SOCS2: variants seen among roughly 807,000 people sequenced by gnomAD.
The protein encoded by SOCS2 is suppressor of cytokine signaling 2.
Under a neutral mutation model 18.6 loss-of-function variants are expected in SOCS2, and 10 were observed. The observed-to-expected ratio is 0.54, with a 90% CI of 0.33 to 0.91. SOCS2 has a LOEUF of 0.91. SOCS2 is among the 40% of genes least tolerant of loss of function. The pLI is 0.02. For missense variants in SOCS2, 231 were observed against 247.2 expected, an observed-to-expected ratio of 0.93 and a Z score of 0.44; for synonymous variants, 104 against 104.0, an observed-to-expected ratio of 1.00 and a Z score of 0.00.
At chr12:93,590,020 A>C in the SOCS2 span, among the ~76,000 whole-genome samples, 1 of 151,712 alleles carries the variant, frequency 6.6e-6, no homozygotes, top group Middle Eastern at 3.4e-3. Flanking sequence ...TTGGGAGGCC[A>C]AGGTGAGCGG....
At chr12:93,598,931 G>T in the SOCS2 span, among the ~76,000 whole-genome samples, 1 of 152,154 alleles carries the variant, frequency 6.6e-6, no homozygotes, top group African/African-American at 2.4e-5. Flanking sequence ...CTCCAAAGAG[G>T]TTGTACCAAT....
the SOCS2 span, among the ~76,000 whole-genome samples, chr12:93,625,271 A>C: frequency 6.6e-6 from 1 of 152,196 alleles, no homozygotes; most frequent in Middle Eastern, 3.4e-3. Flanking sequence ...TCTGTCATTA[A>C]AATGCTAAAA....
chr12:93,589,092 C>G, the SOCS2 span, among the ~76,000 whole-genome samples: 3,349 of 152,306 alleles, frequency 0.022, 48 homozygotes, highest in Non-Finnish European at 0.03. Context: ...GTTTAAAACA[C>G]GGAAAACATC....
At chr12:93,602,527 A>C in the SOCS2 span, among the ~76,000 whole-genome samples, 8 of 152,136 alleles carry the variant, frequency 5.3e-5, no homozygotes, top group Non-Finnish European at 7.4e-5. Flanking sequence ...GTTCACATGT[A>C]CTCCAGGAAA....
At chr12:93,603,167 G>A in the SOCS2 span, among the ~76,000 whole-genome samples, 1 of 152,292 alleles carries the variant, frequency 6.6e-6, no homozygotes, top group Non-Finnish European at 1.5e-5. Context: ...TGGAAATCCA[G>A]ACCTTTAAGT....
At chr12:93,624,343 C>G in the SOCS2 span, among the ~76,000 whole-genome samples, 1 of 152,130 alleles carries the variant, frequency 6.6e-6, no homozygotes, top group Non-Finnish European at 1.5e-5. Flanking sequence ...GAGGCCAAGG[C>G]GGGTGGATCA....
At position 93,575,611 on chromosome 12, in the gene SOCS2, T is replaced by C. The variant is rs767417419; in HGVS notation, c.*432T>C. On this transcript the variant is annotated 3_prime_UTR_variant, in exon 2 of 2. Transcript: ENST00000551556. ...CCTCACTGCAATTTGATATGCCTGCTGATCAGAGTCTCTTGGGCATTTTAT... is the reference window on the plus strand; with the variant it reads ...CCTCACTGCAATTTGATATGCCTGCCGATCAGAGTCTCTTGGGCATTTTAT... The C allele has an allele frequency of 1.9e-5, 3 of 154,340 alleles. No individual in the cohort carries two copies. The highest frequency in any genetic ancestry group is 4.3e-5 in the Non-Finnish European group (3 of 69,196). The allele number at this position is 154,340 out of a possible 1,614,324, so 9.6% of individuals were successfully genotyped here. A position where few individuals can be genotyped will look rare whatever the true frequency, so the allele number is the denominator to read the frequency against.
the SOCS2 span, among the ~76,000 whole-genome samples, chr12:93,626,102 C>A: frequency 3.3e-5 from 5 of 152,144 alleles, no homozygotes; most frequent in Non-Finnish European, 7.3e-5. Context: ...TTCTTTCCAG[C>A]CTGAGATCAT....
At chr12:93,577,254 A>G (rs1024538052), downstream of SOCS2, among the ~76,000 whole-genome samples, 2 of 152,218 alleles carry the variant, frequency 1.3e-5, no homozygotes, top group East Asian at 1.9e-4. Flanking sequence ...GGAGTGTGCC[A>G]TGAAACCTAT....
chr12:93,617,239 A>T, the SOCS2 span, among the ~76,000 whole-genome samples: 2 of 152,264 alleles, frequency 1.3e-5, no homozygotes, highest in South Asian at 4.1e-4. Flanking sequence ...CATACTAACC[A>T]CATCCCAGGG....
At chr12:93,618,329 A>G in the SOCS2 span, among the ~76,000 whole-genome samples, 1 of 152,178 alleles carries the variant, frequency 6.6e-6, no homozygotes, top group South Asian at 2.1e-4. Context: ...CTAAGACACC[A>G]ACCCAGTAGA....
At chr12:93,609,219 C>G in the SOCS2 span, among the ~76,000 whole-genome samples, 3 of 152,164 alleles carry the variant, frequency 2.0e-5, no homozygotes. Flanking sequence ...TGGCAAAACC[C>G]TGTCTCTACT....
chr12:93,607,210 T>C, the SOCS2 span, among the ~76,000 whole-genome samples: 1 of 152,212 alleles, frequency 6.6e-6, no homozygotes, highest in East Asian at 1.9e-4. Context: ...GACTATCTCC[T>C]ACATATTAAT....
At chr12:93,599,209 G>A in the SOCS2 span, among the ~76,000 whole-genome samples, 1 of 110,530 alleles carries the variant, frequency 9.0e-6, no homozygotes, top group Non-Finnish European at 1.7e-5. Flanking sequence ...GTCTCACTTT[G>A]TGGTCCAGGG....
At chr12:93,614,464 TTCCTTCCTTCCTTCCTTTCCTTCC>T in the SOCS2 span, among the ~76,000 whole-genome samples, 1 of 93,700 alleles carries the variant, frequency 1.1e-5, no homozygotes, top group Non-Finnish European at 2.0e-5. Context: ...CCTTCCTTCC[TTCCTTCCTTCCTTCCTTTCCTTCC>T]TTCCTTCCTT....
upstream of SOCS2, chr12:93,572,437 A>G (rs1787661138): frequency 2.8e-6 from 1 of 351,124 alleles, no homozygotes; most frequent in African/African-American, 2.1e-5. The surrounding 1 kb of genome is among the most constrained non-coding windows in gnomAD (Gnocchi z 5.0). Context: ...CTGGGCGGGA[A>G]GACACCCTGT....
chr12:93,588,032 A>C (rs1405777175), downstream of SOCS2, among the ~76,000 whole-genome samples: 1 of 152,236 alleles, frequency 6.6e-6, no homozygotes, highest in African/African-American at 2.4e-5. Flanking sequence ...TCTGAACTTT[A>C]TCCCTAGACT....
chr12:93,612,632 A>G, the SOCS2 span, among the ~76,000 whole-genome samples: 13 of 152,028 alleles, frequency 8.6e-5, no homozygotes, highest in Non-Finnish European at 1.6e-4. Context: ...GTGCCATGGT[A>G]CTCCCAACAT....
chr12:93,592,745 A>G, the SOCS2 span, among the ~76,000 whole-genome samples: 1 of 152,150 alleles, frequency 6.6e-6, no homozygotes, highest in Admixed American at 6.5e-5. Context: ...CCTTGAAGTT[A>G]AATCTCTATT....
Sources: gnomAD v4.1 joint callset for allele counts (sites outside exome capture counted in the v4.1 genomes callset) on GRCh38, gnomAD v4.1.1 for gene constraint, Gnocchi (gnomAD v3.1) non-coding constraint, MANE v1.5 for transcripts, NCBI Gene and HGNC (gene_info 2026-07-23, HGNC 2026-07-21) for gene names.